Variants in GAS7 observed in about 807,000 individuals in gnomAD.
The protein encoded by GAS7 is growth arrest-specific protein 7.
A neutral mutation model predicts 71.1 loss-of-function variants in GAS7; 28 were observed. The ratio of observed to expected loss-of-function variants is 0.39; its 90% confidence interval spans 0.29 to 0.54. The LOEUF is 0.54. Among genes scored for constraint, GAS7 ranks in the 20% least tolerant of loss-of-function variants. GAS7 has a pLI of 0.62. For missense variants in GAS7, 436 were observed against 627.8 expected (o/e 0.69, Z 3.27); for synonymous variants, 258 against 245.8 (o/e 1.05, Z -0.46).
chr17:10,030,178 T>C (rs1026799934), intron 1 of GAS7, among the ~76,000 whole-genome samples: 1 of 152,176 alleles, frequency 6.6e-6, no homozygotes, highest in African/African-American at 2.4e-5. Flanking sequence ...CTGTGAGTCT[T>C]TTGAGTCTTA....
intron 1 of GAS7, among the ~76,000 whole-genome samples, chr17:10,121,087 G>GC (rs2073901031): frequency 6.6e-6 from 1 of 152,236 alleles, no homozygotes; most frequent in Admixed American, 6.5e-5. Context: ...GTGGTTAAGA[G>GC]CTTGGGCTCT....
At chr17:10,186,941 G>A (rs781051522) in intron 1 of GAS7, among the ~76,000 whole-genome samples, 8 of 152,140 alleles carry the variant, frequency 5.3e-5, no homozygotes, top group African/African-American at 9.7e-5. Flanking sequence ...AGTCTGAGAA[G>A]CACTGCTCTA....
chr17:10,185,748 A>G (rs1597842265), intron 1 of GAS7, among the ~76,000 whole-genome samples: 1 of 152,266 alleles, frequency 6.6e-6, no homozygotes, highest in East Asian at 1.9e-4. Flanking sequence ...CAATGTCACA[A>G]CCCAATAGAA....
intron 1 of GAS7, among the ~76,000 whole-genome samples, chr17:10,031,799 C>T (rs1401201375): frequency 4.6e-5 from 7 of 152,228 alleles, no homozygotes; most frequent in South Asian, 2.1e-4. Flanking sequence ...ATCTCCCCAG[C>T]GGCGCCATAC....
rs2073668851 is a variant in GAS7 at position 10,098,712 on chromosome 17, C to G, written c.184-78815G>C. Among the ~76,000 whole-genome samples the G allele has an allele frequency of 2.0e-5, 3 of 152,308 alleles. 1 individual carries two copies. The South Asian group carries it at 6.2e-4, about 32-fold the overall frequency. ...CGGTGGCTGATGCCTGTAATCCCAG[C>G]ACTTTGGGAGGCTGAGATGGGCGGA... On this transcript the variant is annotated intron_variant, in intron 1 of 13. Coordinates refer to ENST00000432992, the MANE Select transcript of GAS7 (RefSeq NM_201433.2).
At chr17:10,163,405 C>T (rs900251924) in intron 1 of GAS7, among the ~76,000 whole-genome samples, 1 of 148,826 alleles carries the variant, frequency 6.7e-6, no homozygotes, top group African/African-American at 2.5e-5. Flanking sequence ...GGATTACAGG[C>T]ACGAGCCACC....
chr17:10,107,932 C>T lies in GAS7; in HGVS notation c.184-88035G>A, dbSNP rs569742957. On this transcript the variant is annotated intron_variant, in intron 1 of 13. Coordinates refer to ENST00000432992, the MANE Select transcript of GAS7 (RefSeq NM_201433.2). ...GTGGTGGTGGGCTGGTTAGGGAAAC[C>T]GCCTTACACACAGTCCAGTGGGAGC... Among the ~76,000 whole-genome samples, 79 of 151,700 alleles carry T rather than the reference C, an allele frequency of 5.2e-4. No homozygotes were observed. The Middle Eastern group carries it at 0.017, about 33-fold the overall frequency.
At chr17:10,082,373 T>C (rs765914957) in intron 1 of GAS7, among the ~76,000 whole-genome samples, 4 of 152,150 alleles carry the variant, frequency 2.6e-5, no homozygotes, top group Non-Finnish European at 5.9e-5. Context: ...TTAATACTTG[T>C]CAAATCCAGA....
intron 2 of GAS7, among the ~76,000 whole-genome samples, chr17:9,983,441 T>C (rs2070512677): frequency 6.6e-6 from 1 of 151,944 alleles, no homozygotes; most frequent in Non-Finnish European, 1.5e-5. Context: ...CAGTGAGCCA[T>C]GATGGCGCCA....
At chr17:10,010,166 T>C (rs1448711569) in intron 2 of GAS7, among the ~76,000 whole-genome samples, 1 of 152,058 alleles carries the variant, frequency 6.6e-6, no homozygotes. Flanking sequence ...TCTTTCTTTT[T>C]TGGGGGGGCG....
intron 1 of GAS7, among the ~76,000 whole-genome samples, chr17:10,077,565 GGAGAGCTTACA>G (rs1364160472): frequency 6.6e-6 from 1 of 152,148 alleles, no homozygotes; most frequent in African/African-American, 2.4e-5. Flanking sequence ...GGAGGCTGGA[GGAGAGCTTACA>G]GATTCCTCCA....
chr17:9,919,169 T>C lies in GAS7; in HGVS notation c.1218+457A>G, dbSNP rs566006627. ...CGGCCCTGCCGCCTGTTGTTCACCC[T>C]TGGTGAGAGGCCTCCCCCACCCCAC... is the stretch of plus-strand genomic sequence containing the variant. On this transcript the variant is annotated intron_variant, in intron 12 of 13. Coordinates refer to ENST00000432992, the MANE Select transcript of GAS7 (RefSeq NM_201433.2). The surrounding 1 kb of genome is among the most constrained non-coding windows in gnomAD (Gnocchi z 5.0). Among the ~76,000 whole-genome samples the C allele has an allele frequency of 9.2e-6, 1 of 109,078 alleles. No individual in the cohort carries two copies. Among genetic ancestry groups the C allele is most frequent in the South Asian group, 3.3e-4 (1 of 3,018 alleles). The allele number at this position is 109,078 out of a possible 152,430, so 71.6% of individuals were successfully genotyped here.
At chr17:10,001,407 T>G (rs2071264223) in intron 2 of GAS7, among the ~76,000 whole-genome samples, 1 of 152,144 alleles carries the variant, frequency 6.6e-6, no homozygotes, top group African/African-American at 2.4e-5. Flanking sequence ...ATCCCATGCC[T>G]TGGAAAGAAG....
At chr17:10,163,749 G>A (rs560735611) in intron 1 of GAS7, among the ~76,000 whole-genome samples, 3 of 151,600 alleles carry the variant, frequency 2.0e-5, no homozygotes, top group South Asian at 2.1e-4. Context: ...CCCATGGGGC[G>A]GCTTTACCCT....
chr17:9,948,239 A>T (rs140552010), intron 5 of GAS7, among the ~76,000 whole-genome samples: 327 of 152,370 alleles, frequency 2.1e-3, no homozygotes, highest in African/African-American at 7.8e-3. Flanking sequence ...TATAATACAC[A>T]TCTGGTTATT....
chr17:9,966,719 C>T (rs975335678), intron 4 of GAS7, among the ~76,000 whole-genome samples: 3 of 152,076 alleles, frequency 2.0e-5, no homozygotes, highest in Non-Finnish European at 2.9e-5. Context: ...GCTAGCTGGG[C>T]GTGGTGGCCG....
chr17:10,143,718 A>G (rs2074101079), intron 1 of GAS7, among the ~76,000 whole-genome samples: 1 of 152,198 alleles, frequency 6.6e-6, no homozygotes, highest in Non-Finnish European at 1.5e-5. Context: ...AGCCAAGAAG[A>G]GCGACCTCAG....
chr17:10,177,348 G>C (rs2074380580), intron 1 of GAS7, among the ~76,000 whole-genome samples: 1 of 152,192 alleles, frequency 6.6e-6, no homozygotes, highest in African/African-American at 2.4e-5. Context: ...TGGAGAAGGA[G>C]TGAGGCCAGG....
At chr17:10,093,128 G>C (rs915781963) in intron 1 of GAS7, among the ~76,000 whole-genome samples, 1 of 152,188 alleles carries the variant, frequency 6.6e-6, no homozygotes, top group African/African-American at 2.4e-5. Context: ...TTTAGGAAAG[G>C]GTTCGGGAGA....
Sources: gnomAD v4.1 joint callset for allele counts (sites outside exome capture counted in the v4.1 genomes callset) on GRCh38, gnomAD v4.1.1 for gene constraint, Gnocchi (gnomAD v3.1) non-coding constraint, MANE v1.5 for transcripts, NCBI Gene and HGNC (gene_info 2026-07-23, HGNC 2026-07-21) for gene names.